Variants in SLC25A53 observed in about 807,000 individuals in gnomAD.
SLC25A53 encodes the protein solute carrier family 25 member 53, also known as mitochondrial carrier triple repeat protein 6.
A neutral mutation model predicts 15.0 loss-of-function variants in SLC25A53; 5 were observed. The ratio of observed to expected loss-of-function variants is 0.33; its 90% CI spans 0.17 to 0.70. SLC25A53 has a LOEUF of 0.70. Among genes scored for constraint, SLC25A53 ranks in the 30% least tolerant of loss-of-function variants. The pLI is 0.67. For missense variants in SLC25A53, 216 were observed against 241.6 expected (o/e 0.89, Z 0.70); for synonymous variants, 95 against 100.0 (o/e 0.95, Z 0.30).
intron 1 of SLC25A53, among the ~76,000 whole-genome samples, chrX:104,142,948 G>T (rs1165762995): frequency 9.2e-6 from 1 of 108,348 alleles, no homozygotes. Context: ...AAAGAAGGCG[G>T]GTGATTTCTG....
chrX:104,115,839 C>T (rs991408507), intron 1 of SLC25A53: 11 of 122,845 alleles, frequency 9.0e-5, no homozygotes, highest in African/African-American at 3.6e-4. Context: ...ATATAAATAT[C>T]TAACTTCATG....
chrX:104,122,846 T>C (rs1302610642), intron 1 of SLC25A53, among the ~76,000 whole-genome samples: 1 of 110,718 alleles, frequency 9.0e-6, no homozygotes, highest in Non-Finnish European at 1.9e-5. Context: ...TGTGGAGAGG[T>C]TGGGTGGTTG....
intron 1 of SLC25A53, among the ~76,000 whole-genome samples, chrX:104,144,549 G>A (rs1381169555): frequency 2.7e-5 from 3 of 111,684 alleles, no homozygotes; most frequent in Non-Finnish European, 3.8e-5. Flanking sequence ...CATCGATCTC[G>A]CTGGGAGCTG....
chrX:104,148,592 C>CAA (rs1407190719), intron 1 of SLC25A53, among the ~76,000 whole-genome samples: 2 of 110,140 alleles, frequency 1.8e-5, no homozygotes, highest in Non-Finnish European at 3.8e-5. Flanking sequence ...GACAAAAAAC[C>CAA]AAACACTGCA....
At position 104,102,051 on chromosome X, in the gene SLC25A53, C is replaced by T. The variant is rs1281712161; in HGVS notation, c.*2283G>A. On this transcript the variant is annotated 3_prime_UTR_variant, in exon 2 of 2. Transcript: ENST00000594199. ...CTTGAATCCACAAGTTGAGTACTGT[C>T]CCAACACATCCCGATCTGCAGATGT... 8 of 111,730 alleles carry T rather than the reference C, an allele frequency of 7.2e-5. No individual in the cohort carries two copies. The East Asian group carries it at 1.1e-3, about 16-fold the overall frequency. 9.2% of individuals were successfully genotyped at this position (111,730 alleles called of 1,213,427 possible).
chrX:104,140,099 C>T (rs781838219), intron 1 of SLC25A53, among the ~76,000 whole-genome samples: 1 of 111,809 alleles, frequency 8.9e-6, no homozygotes, highest in South Asian at 3.7e-4. Context: ...TTTTTTATGA[C>T]TATGATATAC....
Position 104,118,196 on chromosome X carries a change from T to C in SLC25A53, c.-31-12908A>G, listed in dbSNP as rs782445963. Among the ~76,000 whole-genome samples, 9 of 112,498 alleles carry C rather than the reference T, an allele frequency of 8.0e-5. 1 individual carries two copies. In the Admixed American group the frequency reaches 8.4e-4, roughly 11 times the overall value. On this transcript the variant is annotated intron_variant, in intron 1 of 1. Coordinates refer to ENST00000594199, the MANE Select transcript of SLC25A53 (RefSeq NM_001012755.5). ...TGTGTTTGATACCCTTCATTTATAA[T>C]TATTGTTTTTCCTTTCCTTTCTCCC...
chrX:104,108,862 T>A (rs1352221856), intron 1 of SLC25A53, among the ~76,000 whole-genome samples: 1 of 112,199 alleles, frequency 8.9e-6, no homozygotes, highest in East Asian at 2.8e-4. Flanking sequence ...TAAATCATTG[T>A]GGGTAAACCA....
intron 1 of SLC25A53, among the ~76,000 whole-genome samples, chrX:104,130,360 A>G (rs1179235189): frequency 1.8e-5 from 2 of 111,524 alleles, no homozygotes; most frequent in Non-Finnish European, 3.8e-5. Context: ...GTATGGCTTT[A>G]GCAGAAGGTA....
At chrX:104,123,167 A>C (rs2147872419) in intron 1 of SLC25A53, among the ~76,000 whole-genome samples, 1 of 112,671 alleles carries the variant, frequency 8.9e-6, no homozygotes, top group East Asian at 2.8e-4. Context: ...CGTCCCTCCC[A>C]GACTCTTCAC....
chrX:104,143,927 G>T (rs2075458363), intron 1 of SLC25A53, among the ~76,000 whole-genome samples: 1 of 112,144 alleles, frequency 8.9e-6, no homozygotes, highest in Admixed American at 9.4e-5. Flanking sequence ...CAAGCCAGAA[G>T]AGAGTGGGGG....
rs185378482 is a variant in SLC25A53, at chrX:104,130,302, T to C, written c.-31-25014A>G. Among the ~76,000 whole-genome samples the C allele has an allele frequency of 1.9e-3, 207 of 111,538 alleles. 1 individual carries two copies. The highest frequency in any genetic ancestry group is 3.2e-3 in the Non-Finnish European group (172 of 53,095). ...AACCCTGTATTATTTTGAGAGCCCA[T>C]TGAGCCCAGACAAGCTGACTCTGTG... On this transcript the variant is annotated intron_variant, in intron 1 of 1. Coordinates refer to ENST00000594199, the MANE Select transcript of SLC25A53 (RefSeq NM_001012755.5).
chrX:104,153,246 G>A (rs1301196706), intron 1 of SLC25A53, among the ~76,000 whole-genome samples: 1 of 81,932 alleles, frequency 1.2e-5, no homozygotes, highest in Non-Finnish European at 2.3e-5. Flanking sequence ...TAGAGTGTGT[G>A]TATATATATA....
At chrX:104,144,553 G>C (rs2075460452) in intron 1 of SLC25A53, among the ~76,000 whole-genome samples, 1 of 111,685 alleles carries the variant, frequency 9.0e-6, no homozygotes, top group Non-Finnish European at 1.9e-5. Flanking sequence ...GATCTCGCTG[G>C]GAGCTGCAGA....
At chrX:104,134,025 G>A (rs1239406039) in intron 1 of SLC25A53, among the ~76,000 whole-genome samples, 1 of 111,894 alleles carries the variant, frequency 8.9e-6, no homozygotes, top group African/African-American at 3.3e-5. Context: ...CTGTGGCCAG[G>A]GAGACAGGTA....
intron 1 of SLC25A53, among the ~76,000 whole-genome samples, chrX:104,131,704 T>G (rs782165457): frequency 9.0e-6 from 1 of 111,131 alleles, no homozygotes; most frequent in Non-Finnish European, 1.9e-5. Context: ...GGTTTTGCTA[T>G]CAGTTCTCTT....
chrX:104,150,393 A>C (rs1310790657), intron 1 of SLC25A53, among the ~76,000 whole-genome samples: 1 of 111,328 alleles, frequency 9.0e-6, no homozygotes, highest in Non-Finnish European at 1.9e-5. Context: ...ACTCTGGAGG[A>C]AAAAAAGCAA....
At chrX:104,149,415 G>A (rs977014156) in intron 1 of SLC25A53, among the ~76,000 whole-genome samples, 4 of 112,637 alleles carry the variant, frequency 3.6e-5, no homozygotes, top group African/African-American at 1.3e-4. Context: ...GCTGGGGGCC[G>A]TAATCCTTTA....
At chrX:104,125,363 A>C (rs782518932) in intron 1 of SLC25A53, among the ~76,000 whole-genome samples, 1 of 111,898 alleles carries the variant, frequency 8.9e-6, no homozygotes, top group Non-Finnish European at 1.9e-5. Flanking sequence ...CCACTGTCCC[A>C]AACCTTCAGC....
Sources: gnomAD v4.1 joint callset for allele counts (sites outside exome capture counted in the v4.1 genomes callset) on GRCh38, gnomAD v4.1.1 for gene constraint, MANE v1.5 for transcripts, NCBI Gene and HGNC (gene_info 2026-07-23, HGNC 2026-07-21) for gene names.